Variants in GRM8 observed in about 807,000 individuals in gnomAD.
GRM8 encodes the protein glutamate metabotropic receptor 8, also known as metabotropic glutamate receptor 8.
In GRM8, 47 loss-of-function variants were observed where a neutral mutation model predicts 87.2. That is an observed-to-expected ratio of 0.54 (90% confidence interval 0.43 to 0.69). GRM8 has a LOEUF of 0.69. GRM8 is among the 30% of genes least tolerant of loss of function. The pLI is 0.00. For missense variants in GRM8, 1,019 were observed against 1,139.2 expected (o/e 0.89, Z 1.52); for synonymous variants, 396 against 404.5 (o/e 0.98, Z 0.25).
At chr7:127,183,233 C>G (rs979613765) in intron 2 of GRM8, among the ~76,000 whole-genome samples, 8 of 151,874 alleles carry the variant, frequency 5.3e-5, no homozygotes, top group African/African-American at 1.7e-4. Context: ...ACATAATAAT[C>G]CTTAACATGT....
At chr7:126,649,809 A>T (rs1219986856) in intron 7 of GRM8, among the ~76,000 whole-genome samples, 1 of 152,174 alleles carries the variant, frequency 6.6e-6, no homozygotes, top group Non-Finnish European at 1.5e-5. Context: ...CCAGAACAGG[A>T]GAAGGCTCTG....
intron 3 of GRM8, among the ~76,000 whole-genome samples, chr7:127,033,282 T>G (rs1817558571): frequency 6.6e-6 from 1 of 152,046 alleles, no homozygotes; most frequent in African/African-American, 2.4e-5. Flanking sequence ...CCTAAAAATC[T>G]TCAGCTTTTA....
At chr7:126,886,768 T>G (rs1800540193) in intron 6 of GRM8, among the ~76,000 whole-genome samples, 1 of 152,172 alleles carries the variant, frequency 6.6e-6, no homozygotes, top group South Asian at 2.1e-4. Context: ...AATACTTTCT[T>G]GTAATACTCA....
intron 3 of GRM8, among the ~76,000 whole-genome samples, chr7:127,081,446 C>T (rs548963555): frequency 7.9e-5 from 12 of 152,362 alleles, no homozygotes; most frequent in African/African-American, 2.6e-4. Context: ...CCTTACTTTA[C>T]CTGTGTTCCC....
chr7:126,695,720 A>G (rs1809312645), intron 7 of GRM8, among the ~76,000 whole-genome samples: 2 of 152,198 alleles, frequency 1.3e-5, no homozygotes, highest in African/African-American at 2.4e-5. Flanking sequence ...TGCTAAGCCA[A>G]TAAAAAGGTA....
chr7:126,903,717 A>G lies in GRM8; in HGVS notation c.1018+255T>C, dbSNP rs181958326. Among the ~76,000 whole-genome samples, 64 of 135,532 alleles carry G rather than the reference A, an allele frequency of 4.7e-4. 4 individuals carry two copies. In the East Asian group the frequency reaches 9.0e-3, roughly 19 times the overall value. 88.9% of individuals were successfully genotyped at this position (135,532 alleles called of 152,430 possible). A position where few individuals can be genotyped will look rare whatever the true frequency, so the allele number is the denominator to read the frequency against. On this transcript the variant is annotated intron_variant, in intron 5 of 10. Transcript: ENST00000339582. ...TGTGTATATATATATGTATATGTGT[A>G]TATATATATGTATATGTGTATATAT...
intron 1 of GRM8, among the ~76,000 whole-genome samples, chr7:127,249,436 T>C (rs1298445823): frequency 2.0e-5 from 3 of 152,148 alleles, no homozygotes; most frequent in Non-Finnish European, 4.4e-5. Flanking sequence ...CAAAGAAATA[T>C]CACCATTAAT....
chr7:126,762,238 C>T (rs562378660), intron 7 of GRM8, among the ~76,000 whole-genome samples: 1 of 151,816 alleles, frequency 6.6e-6, no homozygotes, highest in Admixed American at 6.6e-5. Flanking sequence ...TGATAGGCAT[C>T]TATTTTTTTT....
At chr7:126,728,172 G>C (rs1249066519) in intron 7 of GRM8, among the ~76,000 whole-genome samples, 1 of 152,112 alleles carries the variant, frequency 6.6e-6, no homozygotes, top group Non-Finnish European at 1.5e-5. Flanking sequence ...TGCCATTAGT[G>C]CTCTCTTCAC....
intron 7 of GRM8, among the ~76,000 whole-genome samples, chr7:126,714,121 T>A (rs1040269218): frequency 6.7e-6 from 1 of 148,414 alleles, no homozygotes; most frequent in Non-Finnish European, 1.5e-5. Context: ...AAAAAAAAAA[T>A]ACAAAAATTA....
chr7:127,015,199 GA>G (rs1815482223), intron 3 of GRM8, among the ~76,000 whole-genome samples: 1 of 86,400 alleles, frequency 1.2e-5, no homozygotes, highest in African/African-American at 5.0e-5. Context: ...AGAAGAAGAA[GA>G]AGAAGAAGAA....
chr7:127,180,971 A>G (rs1270709911), intron 2 of GRM8, among the ~76,000 whole-genome samples: 1 of 152,122 alleles, frequency 6.6e-6, no homozygotes, highest in Non-Finnish European at 1.5e-5. Flanking sequence ...CCTCTTCAAC[A>G]TAGTACTGGA....
At chr7:127,008,080 G>A (rs1330613573) in intron 3 of GRM8, among the ~76,000 whole-genome samples, 7 of 151,904 alleles carry the variant, frequency 4.6e-5, no homozygotes, top group African/African-American at 1.4e-4. Flanking sequence ...AGAAAGACAA[G>A]CAAGCAGAGG....
At chr7:127,091,773 G>A (rs1278693261) in intron 3 of GRM8, among the ~76,000 whole-genome samples, 4 of 54,864 alleles carry the variant, frequency 7.3e-5, no homozygotes, top group East Asian at 4.4e-4. Context: ...TCATCCCTCC[G>A]CCGTCCCACT....
At chr7:126,709,134 G>A (rs1009021717) in intron 7 of GRM8, among the ~76,000 whole-genome samples, 32 of 152,154 alleles carry the variant, frequency 2.1e-4, no homozygotes, top group East Asian at 1.9e-4. Context: ...CTGAATAGAC[G>A]TATTTCCAAA....
chr7:126,627,535 T>A (rs1486338254), intron 7 of GRM8, among the ~76,000 whole-genome samples: 1 of 152,138 alleles, frequency 6.6e-6, no homozygotes, highest in African/African-American at 2.4e-5. Context: ...AGCTTAAATA[T>A]TTTTTTCTTC....
intron 3 of GRM8, among the ~76,000 whole-genome samples, chr7:126,976,985 A>T (rs770004692): frequency 7.2e-5 from 11 of 151,862 alleles, no homozygotes; most frequent in Non-Finnish European, 1.3e-4. Context: ...ATAAAGACTG[A>T]TTTGAAATTT....
At chr7:127,220,863 C>A (rs745492674) in intron 2 of GRM8, among the ~76,000 whole-genome samples, 19 of 152,190 alleles carry the variant, frequency 1.2e-4, no homozygotes, top group Admixed American at 3.3e-4. Context: ...TGGCTCCTCC[C>A]AGAATCTGCT....
At chr7:126,939,738 C>G in intron 3 of GRM8, among the ~76,000 whole-genome samples, 1 of 152,292 alleles carries the variant, frequency 6.6e-6, no homozygotes, top group East Asian at 1.9e-4. Context: ...TACCAAAATG[C>G]TATTTTTGCA....
Sources: allele counts gnomAD v4.1 joint callset (sites outside exome capture counted in the v4.1 genomes callset), GRCh38; gene constraint gnomAD v4.1.1; transcripts MANE v1.5; gene names NCBI Gene and HGNC (gene_info 2026-07-23, HGNC 2026-07-21).